ADAMTS19: variants seen among roughly 807,000 people sequenced by gnomAD.
The protein encoded by ADAMTS19 is ADAM metallopeptidase with thrombospondin type 1 motif 19.
A neutral mutation model predicts 153.3 loss-of-function variants in ADAMTS19; 93 were observed. That is an observed-to-expected ratio of 0.61 (90% CI 0.51 to 0.72). The LOEUF (loss-of-function observed/expected upper bound fraction) is 0.72. Among genes scored for constraint, ADAMTS19 ranks in the 30% least tolerant of loss-of-function variants. The pLI is 0.00. For missense variants in ADAMTS19, 1,482 were observed against 1,552.1 expected (o/e 0.95, Z 0.76); for synonymous variants, 600 against 556.6 (o/e 1.08, Z -1.10).
At chr5:129,475,750 T>G (rs1750203989) in intron 2 of ADAMTS19, among the ~76,000 whole-genome samples, 1 of 152,186 alleles carries the variant, frequency 6.6e-6, no homozygotes, top group African/African-American at 2.4e-5. Context: ...TGAGAATTGC[T>G]TGAAGCTGGG....
chr5:129,495,154 T>C (rs1051306143), intron 2 of ADAMTS19, among the ~76,000 whole-genome samples: 2 of 152,044 alleles, frequency 1.3e-5, no homozygotes, highest in Non-Finnish European at 2.9e-5. Context: ...TTTCTGAAGG[T>C]TTGAGGAATT....
intron 3 of ADAMTS19, among the ~76,000 whole-genome samples, chr5:129,510,861 A>ATATATG (rs1416880897): frequency 3.4e-5 from 5 of 147,084 alleles, no homozygotes; most frequent in Non-Finnish European, 5.9e-5. Context: ...TCTGAGATAT[A>ATATATG]TATATATATA....
intron 22 of ADAMTS19, 142 bp from the exon 23 acceptor site, chr5:129,736,925 C>T (rs1757690873): frequency 1.5e-6 from 1 of 683,406 alleles, no homozygotes; most frequent in Non-Finnish European, 2.2e-6. Context: ...GTGTGTATCT[C>T]TTTCTTGTTT....
At chr5:129,562,983 AC>A (rs1442261269) in intron 7 of ADAMTS19, among the ~76,000 whole-genome samples, 1 of 152,138 alleles carries the variant, frequency 6.6e-6, no homozygotes, top group African/African-American at 2.4e-5. Flanking sequence ...AAATAGGTAT[AC>A]AGACCACCCA....
intron 6 of ADAMTS19, among the ~76,000 whole-genome samples, chr5:129,545,462 G>A (rs1324158190): frequency 6.6e-6 from 1 of 152,106 alleles, no homozygotes; most frequent in Non-Finnish European, 1.5e-5. Context: ...AGAAGTTCTA[G>A]GAGAAGAGAA....
intron 6 of ADAMTS19, among the ~76,000 whole-genome samples, chr5:129,545,623 A>G (rs1222299423): frequency 2.0e-5 from 3 of 151,540 alleles, no homozygotes; most frequent in African/African-American, 7.3e-5. Context: ...CAGCCAAAAA[A>G]CACATGAAAA....
At chr5:129,649,513 G>C (rs933244975) in intron 13 of ADAMTS19, among the ~76,000 whole-genome samples, 2 of 152,160 alleles carry the variant, frequency 1.3e-5, no homozygotes, top group Admixed American at 6.6e-5. Context: ...TAAAATTATA[G>C]AGATGGAAAA....
chr5:129,490,669 A>T (rs1380856899), intron 2 of ADAMTS19, among the ~76,000 whole-genome samples: 1 of 152,144 alleles, frequency 6.6e-6, no homozygotes, highest in Non-Finnish European at 1.5e-5. Flanking sequence ...AAATAATGAG[A>T]CAAGAGACCC....
chr5:129,513,500 C>T (rs1751502889), intron 3 of ADAMTS19, among the ~76,000 whole-genome samples: 1 of 151,140 alleles, frequency 6.6e-6, no homozygotes, highest in Non-Finnish European at 1.5e-5. Context: ...GATCTCATCT[C>T]TAAAAGAAAA....
At chr5:129,660,333 A>G (rs570320411) in intron 15 of ADAMTS19, among the ~76,000 whole-genome samples, 4 of 152,220 alleles carry the variant, frequency 2.6e-5, no homozygotes, top group Non-Finnish European at 2.9e-5. Context: ...CTTTCAACTA[A>G]GAAATTTAAT....
chr5:129,556,534 A>T (rs1210020038), intron 7 of ADAMTS19, among the ~76,000 whole-genome samples: 1 of 152,180 alleles, frequency 6.6e-6, no homozygotes, highest in Non-Finnish European at 1.5e-5. Flanking sequence ...ATGTTAGGTT[A>T]CAAAGCAACA....
At chr5:129,600,196 T>C (rs992415718) in intron 8 of ADAMTS19, among the ~76,000 whole-genome samples, 8 of 152,056 alleles carry the variant, frequency 5.3e-5, no homozygotes, top group Non-Finnish European at 1.0e-4. Flanking sequence ...CTACAGATTC[T>C]ATGTGCATGC....
chr5:129,460,508 T>G lies in ADAMTS19; in HGVS notation c.91+26T>G, dbSNP rs753204735. 4.3e-6 allele frequency: 7 copies of G among 1,613,648 alleles called. No individual in the cohort carries two copies. In the Admixed American group the frequency reaches 5.0e-5, roughly 12 times the overall value. On this transcript the variant is annotated intron_variant, in intron 1 of 22. Coordinates refer to ENST00000274487, the MANE Select transcript of ADAMTS19 (RefSeq NM_133638.6). The stretch of plus-strand genomic sequence containing the variant: ...GTAAGTTCTTCCGTGACTTTCTCGC[T>G]TCCTTTCCAGCCATCCCAGCGGAGA...
intron 2 of ADAMTS19, among the ~76,000 whole-genome samples, chr5:129,483,589 T>C (rs981740885): frequency 2.0e-5 from 3 of 152,106 alleles, no homozygotes; most frequent in Non-Finnish European, 4.4e-5. Context: ...TCACACCCAG[T>C]TGAGAACCAA....
intron 6 of ADAMTS19, among the ~76,000 whole-genome samples, chr5:129,546,374 C>T (rs1752860129): frequency 6.7e-6 from 1 of 149,922 alleles, no homozygotes; most frequent in Admixed American, 6.6e-5. Flanking sequence ...TACCCTAAAA[C>T]TTAAAGTATA....
At chr5:129,626,132 G>A (rs1752033790) in intron 10 of ADAMTS19, among the ~76,000 whole-genome samples, 1 of 152,024 alleles carries the variant, frequency 6.6e-6, no homozygotes, top group African/African-American at 2.4e-5. Flanking sequence ...ATACTTTGAA[G>A]TTCTTATACC....
chr5:129,587,573 G>A (rs2126899396), intron 7 of ADAMTS19, among the ~76,000 whole-genome samples: 1 of 152,098 alleles, frequency 6.6e-6, no homozygotes, highest in East Asian at 1.9e-4. Flanking sequence ...ATCTAATTTG[G>A]GACTGTATTG....
chr5:129,636,078 G>A (rs1329207844), intron 10 of ADAMTS19, among the ~76,000 whole-genome samples: 1 of 152,078 alleles, frequency 6.6e-6, no homozygotes, highest in East Asian at 1.9e-4. Flanking sequence ...TGTATTTTTA[G>A]TAGAGACAAG....
chr5:129,555,467 A>G (rs1753281897), intron 7 of ADAMTS19, among the ~76,000 whole-genome samples: 1 of 152,158 alleles, frequency 6.6e-6, no homozygotes, highest in South Asian at 2.1e-4. Context: ...CAAAAGGATC[A>G]TAGATTTTGA....
Sources: gnomAD v4.1 joint callset for allele counts (sites outside exome capture counted in the v4.1 genomes callset) on GRCh38, gnomAD v4.1.1 for gene constraint, MANE v1.5 for transcripts, NCBI Gene and HGNC (gene_info 2026-07-23, HGNC 2026-07-21) for gene names.